Variants in WNK2 observed in about 807,000 individuals in gnomAD.
WNK2 encodes the protein WNK lysine deficient protein kinase 2.
In WNK2, 67 loss-of-function variants were observed where a neutral mutation model predicts 192.1. The ratio of observed to expected loss-of-function variants is 0.35; its 90% CI spans 0.29 to 0.43. The LOEUF is 0.43. Among genes scored for constraint, WNK2 ranks in the 20% least tolerant of loss-of-function variants. The probability of loss-of-function intolerance (pLI) is 1.00; values close to 1 mark genes in which losing one functional copy is unlikely to be tolerated. For missense variants in WNK2, 2,698 were observed against 3,089.7 expected, an observed-to-expected ratio of 0.87 and a Z score of 3.01; for synonymous variants, 1,439 against 1,393.9, an observed-to-expected ratio of 1.03 and a Z score of -0.72.
At chr9:93,212,040 C>T (rs1834887386) in intron 2 of WNK2, among the ~76,000 whole-genome samples, 1 of 152,220 alleles carries the variant, frequency 6.6e-6, no homozygotes, top group Non-Finnish European at 1.5e-5. Flanking sequence ...CTCATTTACT[C>T]ATTCACTCTT....
Position 93,289,159 on chromosome 9 carries a change from A to T in WNK2, c.4405A>T (p.Ser1469Cys), listed in dbSNP as rs1309605135. ...APEAASTRDA[S>C]APREPLPPPA... The stretch of plus-strand genomic sequence containing the variant: ...AGAGGCTGCCTCAACCAGGGACGCC[A>T]GTGCCCCAAGGGAGCCCCTGCCACC... Residue 1469 changes from serine (S) to cysteine (C), a missense_variant, in exon 20 of 30, where the codon AGT becomes TGT. Transcript: ENST00000427277. The T allele has an allele frequency of 6.2e-7, 1 of 1,600,300 alleles. No individual in the cohort carries two copies.
At position 93,236,367 on chromosome 9, in the gene WNK2, C is replaced by T. The variant is rs146470288; in HGVS notation, c.1233+1402C>T. Among the ~76,000 whole-genome samples, 740 of 152,286 alleles carry T rather than the reference C, an allele frequency of 4.9e-3. 3 individuals carry two copies. The highest frequency in any genetic ancestry group is 0.026 in the East Asian group (134 of 5,174). ...GTCTGCCCCAGGCTGGGGGCTCCAG[C>T]ACCCAGGGCAGGTGGGCGTGCCCCC... is the stretch of plus-strand genomic sequence containing the variant. On this transcript the variant is annotated intron_variant, in intron 5 of 29. Transcript: ENST00000427277.
At chr9:93,307,732 A>G (rs1852847287) in intron 27 of WNK2, 1 of 152,476 alleles carries the variant, frequency 6.6e-6, no homozygotes, top group South Asian at 2.1e-4. Context: ...GGTCAGGACA[A>G]TTTCTATGTC....
chr9:93,281,542 A>T (rs184805278), intron 19 of WNK2, among the ~76,000 whole-genome samples: 17 of 152,298 alleles, frequency 1.1e-4, no homozygotes, highest in African/African-American at 4.1e-4. Flanking sequence ...GTGCTAAGAA[A>T]TATAGAGATT....
intron 14 of WNK2, 128 bp from the exon 15 acceptor site, chr9:93,263,438 G>GC: frequency 8.1e-7 from 1 of 1,236,466 alleles, no homozygotes; most frequent in Non-Finnish European, 1.1e-6. Context: ...CACAGGACGG[G>GC]CTGCCTCTGT....
rs763247604 is a variant in WNK2, at chr9:93,292,697, T to G, written c.5232T>G (p.Thr1744=). 6.4e-7 allele frequency: 1 copy of G among 1,569,204 alleles called. No individual in the cohort carries two copies. The highest frequency in any genetic ancestry group is 8.6e-7 in the Non-Finnish European group (1 of 1,158,490). Residue 1744 remains threonine, a synonymous_variant, in exon 23 of 30, where the codon ACT becomes ACG. Transcript: ENST00000427277. The stretch of plus-strand genomic sequence containing the variant: ...AGGATGTCAGCTCACCAGCCAAGAC[T>G]GTGGGCCGTTTCTCGGTGGTCAGCA... ...EQQDVSSPAK[T]VGRFSVVSTQ...
intron 29 of WNK2, 63 bp from the exon 30 acceptor site, chr9:93,320,304 G>A (rs975203363): frequency 2.3e-5 from 31 of 1,365,832 alleles, no homozygotes; most frequent in Non-Finnish European, 3.0e-5. Flanking sequence ...TCAGGGCCTG[G>A]CCCTTGGCGA....
chr9:93,287,781 C>A (rs535651305), intron 19 of WNK2, among the ~76,000 whole-genome samples: 1 of 152,084 alleles, frequency 6.6e-6, no homozygotes, highest in Non-Finnish European at 1.5e-5. Context: ...ACAAAGTGGG[C>A]TGGGCGTGGG....
chr9:93,263,111 A>T (rs1248814140), intron 14 of WNK2, among the ~76,000 whole-genome samples: 1 of 152,210 alleles, frequency 6.6e-6, no homozygotes, highest in Non-Finnish European at 1.5e-5. Flanking sequence ...CTGTGGACAC[A>T]GGTGTTTCAG....
At chr9:93,304,655 G>C (rs1852189145) in intron 26 of WNK2, among the ~76,000 whole-genome samples, 1 of 152,258 alleles carries the variant, frequency 6.6e-6, no homozygotes. Context: ...GGTGGGGGCT[G>C]TCTTTGGGTG....
chr9:93,188,546 A>G (rs1032384273), intron 2 of WNK2, among the ~76,000 whole-genome samples: 21 of 152,324 alleles, frequency 1.4e-4, no homozygotes, highest in African/African-American at 4.8e-4. Context: ...TCTCTTGAAT[A>G]AACTTTTATT....
intron 21 of WNK2, 33 bp from the exon 22 acceptor site, chr9:93,292,275 T>C: frequency 3.1e-6 from 5 of 1,611,590 alleles, no homozygotes; most frequent in Non-Finnish European, 4.2e-6. Flanking sequence ...TCCTCCTCCT[T>C]CAGCCCCAGT....
At position 93,269,750 on chromosome 9, in the gene WNK2, C is replaced by A. The variant is rs79662911; in HGVS notation, c.4033+1004C>A. ...TGTGGTGTAAGTTTAGGGGACAGTA[C>A]GGTTAATAGAATGAAATTAAACCCT... On this transcript the variant is annotated intron_variant, in intron 19 of 29. Transcript: ENST00000427277. Among the ~76,000 whole-genome samples the A allele has an allele frequency of 5.9e-5, 9 of 152,242 alleles. No homozygotes were observed. In the East Asian group the frequency reaches 1.7e-3, roughly 29 times the overall value.
At chr9:93,280,401 T>C (rs1847551476) in intron 19 of WNK2, among the ~76,000 whole-genome samples, 1 of 152,206 alleles carries the variant, frequency 6.6e-6, no homozygotes, top group African/African-American at 2.4e-5. Context: ...CTGGAACTCT[T>C]AGGCACTGTA....
In WNK2 at chr9:93,247,645, G is replaced by A. The variant is rs368902215; in HGVS notation, c.1645G>A (p.Ala549Thr). ...GTGGCGGCGGGAGAGGATCTGGCCC[G>A]CGCTGCAGCCCAAGGAGCAGCAGGA... is the stretch of plus-strand genomic sequence containing the variant. ...IQWRRERIWP[A>T]LQPKEQQDVG... Residue 549 changes from alanine to threonine, a missense_variant, in exon 8 of 30, where the codon GCG becomes ACG. By Grantham distance (58) the Ala-to-Thr change is moderately conservative. Around this residue, in one of 7 missense-constraint regions of WNK2, gnomAD observed 230 missense variants for 501.1 expected, o/e 0.46. Coordinates refer to ENST00000427277, the MANE Select transcript of WNK2 (RefSeq NM_006648.4). This position sits in a 1 kb window ranked among gnomAD's most constrained non-coding sequence, Gnocchi z 5.2. 3.1e-5 allele frequency: 49 copies of A among 1,586,934 alleles called. No homozygotes were observed. The highest frequency in any genetic ancestry group is 1.8e-4 in the East Asian group (8 of 43,448).
At chr9:93,192,632 G>A (rs1352093206) in intron 2 of WNK2, among the ~76,000 whole-genome samples, 1 of 152,204 alleles carries the variant, frequency 6.6e-6, no homozygotes, top group Non-Finnish European at 1.5e-5. Flanking sequence ...GGGCTGCCCA[G>A]GACAGGAGGG....
At chr9:93,209,087 CT>C (rs1185382182) in intron 2 of WNK2, among the ~76,000 whole-genome samples, 1 of 152,086 alleles carries the variant, frequency 6.6e-6, no homozygotes, top group Non-Finnish European at 1.5e-5. Flanking sequence ...TTGGGAATAG[CT>C]TTTTTTCTTC....
rs139050484 is a variant in WNK2, at chr9:93,236,147, A to T, written c.1233+1182A>T. ...GGAGGCAGGGATGGTCTGCAGCAGG[A>T]GGAAGTGGGGCGCTCCAGAGATTAA... is the stretch of plus-strand genomic sequence containing the variant. On this transcript the variant is annotated intron_variant, in intron 5 of 29. Transcript: ENST00000427277. Among the ~76,000 whole-genome samples, 1,004 of 152,260 alleles carry T rather than the reference A, an allele frequency of 6.6e-3. 7 individuals carry two copies. Among genetic ancestry groups the T allele is most frequent in the Middle Eastern group, 0.017 (5 of 294 alleles).
At chr9:93,304,066 G>T (rs1852069126) in intron 26 of WNK2, among the ~76,000 whole-genome samples, 1 of 152,206 alleles carries the variant, frequency 6.6e-6, no homozygotes, top group African/African-American at 2.4e-5. Flanking sequence ...GCCCTGTGAG[G>T]TGAAAAGCGA....
Sources: gnomAD v4.1 joint callset for allele counts (sites outside exome capture counted in the v4.1 genomes callset) on GRCh38, gnomAD v4.1.1 for gene constraint, gnomAD v4.1.1 regional missense constraint, Gnocchi (gnomAD v3.1) non-coding constraint, MANE v1.5 for transcripts, NCBI Gene and HGNC (gene_info 2026-07-23, HGNC 2026-07-21) for gene names.